Variants in LRRC36 observed in about 807,000 individuals in gnomAD.
LRRC36 encodes the protein leucine rich repeat containing 36.
LRRC36 carries 62 observed loss-of-function variants against 81.1 expected under a neutral mutation model. That is an observed-to-expected ratio of 0.76 (90% CI 0.62 to 0.94). The LOEUF (loss-of-function observed/expected upper bound fraction) is 0.94, where lower values mean the gene tolerates loss of function less well. Among genes scored for constraint, LRRC36 ranks in the 40% least tolerant of loss-of-function variants. LRRC36 has a pLI of 0.00. For missense variants in LRRC36, 761 were observed against 881.7 expected (o/e 0.86, Z 1.73); for synonymous variants, 334 against 348.6 (o/e 0.96, Z 0.47).
intron 2 of LRRC36, among the ~76,000 whole-genome samples, chr16:67,344,688 T>C (rs989494595): frequency 1.3e-5 from 2 of 152,100 alleles, no homozygotes; most frequent in East Asian, 3.9e-4. Flanking sequence ...CCAAGGGCAC[T>C]GATAGCTATT....
At chr16:67,352,229 A>G (rs1389231475) in intron 5 of LRRC36, among the ~76,000 whole-genome samples, 1 of 152,204 alleles carries the variant, frequency 6.6e-6, no homozygotes, top group East Asian at 1.9e-4. Flanking sequence ...TGCTACTTCG[A>G]AACGTTAAGG....
chr16:67,366,682 G>A (rs905331116), intron 7 of LRRC36, among the ~76,000 whole-genome samples: 4 of 151,816 alleles, frequency 2.6e-5, no homozygotes, highest in South Asian at 2.1e-4. Context: ...TCTGGGAAGC[G>A]AAGGTTGCAC....
intron 7 of LRRC36, among the ~76,000 whole-genome samples, chr16:67,366,643 G>A (rs752234263): frequency 2.0e-5 from 3 of 151,926 alleles, no homozygotes; most frequent in Admixed American, 6.6e-5. Flanking sequence ...CCAGTTATTC[G>A]GGAGGCTGAG....
intron 1 of LRRC36, chr16:67,336,587 A>G (rs1206549633): frequency 6.6e-6 from 1 of 151,722 alleles, no homozygotes; most frequent in Non-Finnish European, 1.5e-5. Flanking sequence ...CATTTTTTTC[A>G]TATGTTTGTT....
intron 7 of LRRC36, 120 bp from the exon 8 acceptor site, chr16:67,366,897 C>T (rs2039420958): frequency 4.0e-6 from 3 of 745,616 alleles, no homozygotes; most frequent in African/African-American, 1.8e-5. Context: ...AATTATAAAC[C>T]ACCTCTTCCT....
intron 2 of LRRC36, among the ~76,000 whole-genome samples, chr16:67,342,488 A>C (rs994465653): frequency 6.6e-6 from 1 of 152,186 alleles, no homozygotes; most frequent in Non-Finnish European, 1.5e-5. Context: ...CATGGAGCAT[A>C]CATGGAGAAA....
At chr16:67,376,425 C>T (rs989471851) in intron 10 of LRRC36, among the ~76,000 whole-genome samples, 1 of 152,196 alleles carries the variant, frequency 6.6e-6, no homozygotes, top group Non-Finnish European at 1.5e-5. Context: ...AATCCTAACA[C>T]AGTTATTTTC....
intron 9 of LRRC36, among the ~76,000 whole-genome samples, chr16:67,374,658 A>G (rs942726204): frequency 6.6e-6 from 1 of 151,978 alleles, no homozygotes; most frequent in Admixed American, 6.6e-5. Flanking sequence ...GGCCTCCCAA[A>G]GTGCTGGGAT....
At chr16:67,376,347 A>G (rs2039892440) in intron 10 of LRRC36, among the ~76,000 whole-genome samples, 1 of 152,180 alleles carries the variant, frequency 6.6e-6, no homozygotes, top group Non-Finnish European at 1.5e-5. Flanking sequence ...AAAAAACTAG[A>G]AACTTAAACG....
chr16:67,385,163 G>GC lies in LRRC36; in HGVS notation c.*74_*75insC. ...CACCGCCATTGCCACCAGTATGGTG[G>GC]TATGTACTCACAAAGATTAAGAAAG... On this transcript the variant is annotated 3_prime_UTR_variant, in exon 14 of 14. Transcript: ENST00000329956. The GC allele has an allele frequency of 1.3e-5, 14 of 1,075,350 alleles. No individual in the cohort carries two copies. Among genetic ancestry groups the GC allele is most frequent in the Non-Finnish European group, 1.7e-5 (12 of 714,104 alleles). The allele number at this position is 1,075,350 out of a possible 1,614,324, so 66.6% of individuals were successfully genotyped here.
chr16:67,365,428 GA>G, intron 7 of LRRC36, 73 bp downstream of exon 7: 1 of 1,344,420 alleles, frequency 7.4e-7, no homozygotes, highest in Non-Finnish European at 1.1e-6. Context: ...GGATTTGGGA[GA>G]TGAAGATGTC....
At chr16:67,375,998 G>A (rs543680533) in intron 10 of LRRC36, among the ~76,000 whole-genome samples, 1 of 152,248 alleles carries the variant, frequency 6.6e-6, no homozygotes, top group South Asian at 2.1e-4. Context: ...TTTCGTTGGT[G>A]GTAAAATTTT....
chr16:67,378,829 T>C, intron 12 of LRRC36, 117 bp downstream of exon 12: 1 of 1,103,590 alleles, frequency 9.1e-7, no homozygotes, highest in Non-Finnish European at 1.3e-6. Flanking sequence ...GCCTACTTGG[T>C]CATCAGTTTT....
chr16:67,378,232 A>ATTTTTTTTTTT (rs1273856739), intron 11 of LRRC36, among the ~76,000 whole-genome samples: 1 of 112,044 alleles, frequency 8.9e-6, no homozygotes, highest in Non-Finnish European at 1.7e-5. Flanking sequence ...AGCATGTCAG[A>ATTTTTTTTTTT]TTCTTTTTTT....
intron 1 of LRRC36, among the ~76,000 whole-genome samples, chr16:67,341,374 A>G (rs116371461): frequency 0.034 from 5,083 of 149,928 alleles, 138 homozygotes; most frequent in South Asian, 0.071. Flanking sequence ...TTCTTGTAAC[A>G]CCTTATGAAT....
intron 10 of LRRC36, among the ~76,000 whole-genome samples, chr16:67,375,719 T>A (rs1294450123): frequency 1.3e-5 from 2 of 152,212 alleles, no homozygotes; most frequent in Non-Finnish European, 2.9e-5. Flanking sequence ...TTAATTTTTT[T>A]AAAGATTTTG....
chr16:67,353,738 C>A (rs1051689194), intron 5 of LRRC36, among the ~76,000 whole-genome samples: 1 of 152,178 alleles, frequency 6.6e-6, no homozygotes, highest in African/African-American at 2.4e-5. Context: ...ATCCTCACAA[C>A]AACCTTGAAG....
chr16:67,333,151 G>A (rs1170472971), intron 1 of LRRC36, among the ~76,000 whole-genome samples: 1 of 151,926 alleles, frequency 6.6e-6, no homozygotes, highest in Non-Finnish European at 1.5e-5. Context: ...TATTTATTTT[G>A]AGATAAGAAT....
intron 12 of LRRC36, among the ~76,000 whole-genome samples, 196 bp downstream of exon 12, chr16:67,378,908 TG>T (rs2040011762): frequency 6.6e-6 from 1 of 152,252 alleles, no homozygotes; most frequent in Non-Finnish European, 1.5e-5. Flanking sequence ...AGTTACCAGA[TG>T]AAGCTCTTGT....
Sources: allele counts gnomAD v4.1 joint callset (sites outside exome capture counted in the v4.1 genomes callset), GRCh38; gene constraint gnomAD v4.1.1; transcripts MANE v1.5; gene names NCBI Gene and HGNC (gene_info 2026-07-23, HGNC 2026-07-21).